The following ASTN2 variants were observed in gnomAD, a reference collection of about 807,000 sequenced individuals.
ASTN2 encodes the protein astrotactin 2, also known as astrotactin-2.
ASTN2 carries 54 observed loss-of-function variants against 139.8 expected under a neutral mutation model. The observed-to-expected ratio is 0.39, with a 90% CI of 0.31 to 0.48. The LOEUF (loss-of-function observed/expected upper bound fraction) is 0.48. ASTN2 is among the 20% of genes least tolerant of loss of function. The pLI is 0.95. For synonymous variants in ASTN2, 756 were observed against 719.5 expected, an observed-to-expected ratio of 1.05 and a Z score of -0.81; for missense variants, 1,565 against 1,725.1, an observed-to-expected ratio of 0.91 and a Z score of 1.64.
chr9:117,098,950 T>C (rs1473265183), intron 4 of ASTN2, among the ~76,000 whole-genome samples: 1 of 151,586 alleles, frequency 6.6e-6, no homozygotes, highest in African/African-American at 2.4e-5. Flanking sequence ...TCTACTAAAA[T>C]ACAAAAAATT....
At chr9:116,747,631 T>C (rs764396594) in intron 13 of ASTN2, among the ~76,000 whole-genome samples, 3 of 151,972 alleles carry the variant, frequency 2.0e-5, no homozygotes, top group Non-Finnish European at 4.4e-5. Flanking sequence ...TCTCCAACCA[T>C]AGTCACACTT....
intron 15 of ASTN2, among the ~76,000 whole-genome samples, chr9:116,726,682 C>T (rs917356801): frequency 7.2e-5 from 11 of 152,272 alleles, no homozygotes; most frequent in African/African-American, 2.6e-4. Context: ...TTCCACAGAG[C>T]CTTCTTGCTG....
chr9:116,744,194 G>A (rs1432708543), intron 13 of ASTN2, among the ~76,000 whole-genome samples: 1 of 152,168 alleles, frequency 6.6e-6, no homozygotes, highest in East Asian at 1.9e-4. Flanking sequence ...GTGTATGGAA[G>A]AGGCACAGAT....
rs369138005 is a variant in ASTN2 at position 116,451,813 on chromosome 9, T to C, written c.3498-9260A>G. Among the ~76,000 whole-genome samples, 225 of 125,654 alleles carry C rather than the reference T, an allele frequency of 1.8e-3. 6 individuals carry two copies. In the South Asian group the frequency reaches 0.056, roughly 31 times the overall value. 82.4% of individuals were successfully genotyped at this position (125,654 alleles called of 152,430 possible). On this transcript the variant is annotated intron_variant, in intron 20 of 22. Coordinates refer to ENST00000313400, the MANE Select transcript of ASTN2 (RefSeq NM_001365068.1). The stretch of plus-strand genomic sequence containing the variant: ...GTGAATAAGACAGTGGATTTAAATA[T>C]ATAAATACTATGCAAATGATCTGAG...
intron 10 of ASTN2, among the ~76,000 whole-genome samples, chr9:116,961,650 T>C (rs1008875947): frequency 2.0e-5 from 3 of 152,206 alleles, no homozygotes; most frequent in Non-Finnish European, 4.4e-5. Flanking sequence ...CTGCTATCAG[T>C]CTCATATTCT....
intron 3 of ASTN2, among the ~76,000 whole-genome samples, chr9:117,203,536 G>A (rs1159037565): frequency 1.3e-5 from 2 of 152,072 alleles, no homozygotes; most frequent in African/African-American, 4.8e-5. Flanking sequence ...GGCCTTTGTT[G>A]TTGTTGTTGT....
At chr9:117,272,592 C>T (rs1181346046) in intron 2 of ASTN2, among the ~76,000 whole-genome samples, 1 of 152,170 alleles carries the variant, frequency 6.6e-6, no homozygotes, top group Non-Finnish European at 1.5e-5. Flanking sequence ...AAGTGGAATG[C>T]TTTTAACAGC....
intron 19 of ASTN2, among the ~76,000 whole-genome samples, chr9:116,529,378 C>G (rs902941211): frequency 1.3e-5 from 2 of 152,102 alleles, no homozygotes; most frequent in African/African-American, 4.8e-5. Context: ...CAATTTCTCC[C>G]ATTTGTAATG....
At chr9:116,981,160 G>C (rs1314425522) in intron 7 of ASTN2, among the ~76,000 whole-genome samples, 2 of 152,160 alleles carry the variant, frequency 1.3e-5, no homozygotes, top group East Asian at 1.9e-4. Flanking sequence ...TTACTTGCCT[G>C]TTCCCCCACT....
At chr9:116,780,009 C>T (rs1281354474) in intron 13 of ASTN2, among the ~76,000 whole-genome samples, 1 of 152,170 alleles carries the variant, frequency 6.6e-6, no homozygotes, top group Non-Finnish European at 1.5e-5. Context: ...TTTTCATTCA[C>T]ACATCAATTC....
At chr9:116,753,054 C>T (rs927293014) in intron 13 of ASTN2, among the ~76,000 whole-genome samples, 1 of 152,214 alleles carries the variant, frequency 6.6e-6, no homozygotes, top group Non-Finnish European at 1.5e-5. Context: ...CCACACAAAA[C>T]TCTGCACATG....
At chr9:116,636,910 T>C (rs1588123513) in intron 17 of ASTN2, among the ~76,000 whole-genome samples, 1 of 152,242 alleles carries the variant, frequency 6.6e-6, no homozygotes. Flanking sequence ...AGTATTATCT[T>C]TATAAAAGGG....
intron 19 of ASTN2, among the ~76,000 whole-genome samples, chr9:116,615,637 A>C (rs1430079296): frequency 2.7e-5 from 4 of 150,798 alleles, no homozygotes; most frequent in Admixed American, 6.6e-5. Context: ...AGAAAACCAA[A>C]CACCGCATGT....
At chr9:117,401,998 G>A (rs1830844074) in intron 1 of ASTN2, among the ~76,000 whole-genome samples, 1 of 152,170 alleles carries the variant, frequency 6.6e-6, no homozygotes, top group Non-Finnish European at 1.5e-5. Context: ...GGCTGATATG[G>A]GAAAGGATGG....
chr9:117,357,052 A>G (rs1829559275), intron 1 of ASTN2, among the ~76,000 whole-genome samples: 1 of 152,152 alleles, frequency 6.6e-6, no homozygotes, highest in Admixed American at 6.5e-5. Flanking sequence ...TGACACAGCA[A>G]TACTCCATCT....
intron 11 of ASTN2, among the ~76,000 whole-genome samples, chr9:116,860,934 G>C (rs1172640164): frequency 6.6e-6 from 1 of 152,160 alleles, no homozygotes; most frequent in Non-Finnish European, 1.5e-5. Flanking sequence ...AGACATGATG[G>C]AGAGTCTACA....
chr9:116,625,013 A>G lies in ASTN2; in HGVS notation c.3073-4570T>C, dbSNP rs561994664. On this transcript the variant is annotated intron_variant, in intron 17 of 22. Coordinates refer to ENST00000313400, the MANE Select transcript of ASTN2 (RefSeq NM_001365068.1). ...AACAAACCAAATAAATGATAAAAGC[A>G]AAGAAAATGTGTGTGCATGTTTGTG... Among the ~76,000 whole-genome samples, 4 of 152,344 alleles carry G rather than the reference A, an allele frequency of 2.6e-5. No individual in the cohort carries two copies. The South Asian group carries it at 6.2e-4, about 24-fold the overall frequency.
At chr9:116,790,016 C>A (rs10983348) in intron 13 of ASTN2, among the ~76,000 whole-genome samples, 5 of 149,972 alleles carry the variant, frequency 3.3e-5, no homozygotes, top group African/African-American at 9.9e-5. Flanking sequence ...ACATCTGCCT[C>A]CCTGGTTCAA....
At chr9:117,070,001 C>G (rs897331639) in intron 5 of ASTN2, among the ~76,000 whole-genome samples, 16 of 148,940 alleles carry the variant, frequency 1.1e-4, no homozygotes, top group Non-Finnish European at 2.4e-4. Flanking sequence ...AGAATTTAGT[C>G]CATTTACACT....
Sources: gnomAD v4.1 joint callset for allele counts (sites outside exome capture counted in the v4.1 genomes callset) on GRCh38, gnomAD v4.1.1 for gene constraint, MANE v1.5 for transcripts, NCBI Gene and HGNC (gene_info 2026-07-23, HGNC 2026-07-21) for gene names.